Variants in WASHC2A observed in about 807,000 individuals in gnomAD.
The protein encoded by WASHC2A is WASH complex subunit 2A.
WASHC2A carries 82 observed loss-of-function variants against 140.3 expected under a neutral mutation model. That is an observed-to-expected ratio of 0.58 (90% CI 0.49 to 0.70). The LOEUF (loss-of-function observed/expected upper bound fraction) is 0.70. WASHC2A is among the 30% of genes least tolerant of loss of function. The pLI is 0.00. For missense variants in WASHC2A, 985 were observed against 1,521.8 expected, an observed-to-expected ratio of 0.65 and a Z score of 5.87; for synonymous variants, 340 against 560.8, an observed-to-expected ratio of 0.61 and a Z score of 5.56.
At chr10:50,072,262 T>A (rs1199632592) in intron 3 of WASHC2A, among the ~76,000 whole-genome samples, 2 of 150,298 alleles carry the variant, frequency 1.3e-5, no homozygotes, top group African/African-American at 2.4e-5. Context: ...TAGTGTTAAG[T>A]CTTGATGCCC....
rs1842486429 is a variant in WASHC2A, at chr10:50,113,877, TTTTG to T, written c.2040-8_2040-5del. 2.7e-6 allele frequency: 1 copy of T among 374,062 alleles called. No homozygotes were observed. The highest frequency in any genetic ancestry group is 5.5e-5 in the East Asian group (1 of 18,274). 23.2% of individuals were successfully genotyped at this position (374,062 alleles called of 1,614,324 possible). On this transcript the variant is annotated splice_polypyrimidine_tract_variant and intron_variant, in intron 20 of 30. Transcript: ENST00000282633. ...CATCACACTTTTCCTTAATTTGACC[TTTTG>T]TTTGTTTGTGTAGCCAAAAGAAGAC... is the stretch of plus-strand genomic sequence containing the variant.
At chr10:50,076,225 G>A (rs1269159941) in intron 3 of WASHC2A, among the ~76,000 whole-genome samples, 1 of 152,246 alleles carries the variant, frequency 6.6e-6, no homozygotes, top group Non-Finnish European at 1.5e-5. Flanking sequence ...ACAGGCGTGA[G>A]CCTCCTAAAG....
intron 16 of WASHC2A, among the ~76,000 whole-genome samples, chr10:50,098,231 A>G (rs1298690745): frequency 6.6e-6 from 1 of 152,126 alleles, no homozygotes; most frequent in Non-Finnish European, 1.5e-5. Flanking sequence ...AGTCTGTATT[A>G]GAATTGCTCC....
At chr10:50,125,085 C>G (rs1273182924) in intron 23 of WASHC2A, 28 bp from the exon 24 acceptor site, 103 of 1,611,460 alleles carry the variant, frequency 6.4e-5, no homozygotes, top group Non-Finnish European at 8.5e-5. Context: ...CAGCTCTAAT[C>G]ACACATGACC....
chr10:50,126,675 G>C (rs1248424533), intron 26 of WASHC2A, among the ~76,000 whole-genome samples: 1 of 151,898 alleles, frequency 6.6e-6, no homozygotes, highest in African/African-American at 2.4e-5. Flanking sequence ...TCCACGTGCA[G>C]GTGTCCCAGG....
intron 11 of WASHC2A, 119 bp downstream of exon 11, chr10:50,092,352 C>G (rs1840011578): frequency 1.4e-6 from 2 of 1,480,770 alleles, no homozygotes; most frequent in Admixed American, 2.1e-5. Flanking sequence ...GGGTCTGTCT[C>G]CATTTACTTT....
intron 3 of WASHC2A, among the ~76,000 whole-genome samples, chr10:50,075,164 G>A (rs1488315503): frequency 2.0e-5 from 3 of 151,530 alleles, no homozygotes; most frequent in African/African-American, 4.9e-5. Flanking sequence ...TTCTTAAACC[G>A]TATCATAATT....
intron 18 of WASHC2A, among the ~76,000 whole-genome samples, chr10:50,105,128 C>T (rs1203909244): frequency 4.2e-4 from 64 of 152,126 alleles, no homozygotes; most frequent in Admixed American, 3.5e-3. Flanking sequence ...ACCCAATGAC[C>T]TACAAGAATG....
chr10:50,128,964 C>T (rs1233632573), intron 28 of WASHC2A, among the ~76,000 whole-genome samples: 8 of 151,708 alleles, frequency 5.3e-5, no homozygotes, highest in African/African-American at 1.9e-4. Flanking sequence ...TGTTTCTCCC[C>T]GCTCCTGGAG....
chr10:50,106,416 A>T lies in WASHC2A; in HGVS notation c.1820A>T (p.Glu607Val), dbSNP rs1326518916. 6.2e-7 allele frequency: 1 copy of T among 1,611,970 alleles called. No homozygotes were observed. Among genetic ancestry groups the T allele is most frequent in the East Asian group, 2.2e-5 (1 of 44,878 alleles). ...AQREEKAKAS[E>V]LSKKKASALL... ...AGAGAAGAGAAAGCAAAAGCCTCCG[A>T]GCTCTCCAAAAAGAAAGCATCTGCC... The change falls in exon 19 of 31, where the codon GAG becomes GTG. Residue 607 changes from glutamate to valine, a missense_variant. Glu to Val is a moderately radical substitution (Grantham distance 121, BLOSUM62 -2). Transcript: ENST00000282633.
Position 50,095,741 on chromosome 10 carries a change from C to G in WASHC2A, c.1383C>G (p.Asp461Glu). 1 of 1,611,176 alleles carries G rather than the reference C, an allele frequency of 6.2e-7. No individual in the cohort carries two copies. Among genetic ancestry groups the G allele is most frequent in the South Asian group, 1.1e-5 (1 of 90,878 alleles). Residue 461 changes from aspartate (D) to glutamate (E), a missense_variant, in exon 15 of 31, where the codon GAC becomes GAG. Asp to Glu is a conservative substitution (Grantham distance 45, BLOSUM62 2). Transcript: ENST00000282633. ...FDDDDGDDDD[D>E]FFSAPHSKPS... ...ATGATGATGGTGATGATGATGACGA[C>G]TTTTTCTCGGCACCCCACAGCAAAC...
At chr10:50,130,652 G>T (rs939812107) in intron 29 of WASHC2A, among the ~76,000 whole-genome samples, 8 of 152,302 alleles carry the variant, frequency 5.3e-5, no homozygotes, top group African/African-American at 1.9e-4. Flanking sequence ...GGTGGGTAGG[G>T]CTGGGAGGTG....
Position 50,094,539 on chromosome 10 carries a change from G to A in WASHC2A, c.1181-609G>A, listed in dbSNP as rs572635554. ...CCTACAAATGTTACTCCATAGGTTT[G>A]TGGTAGTTCTTGGGACTTGGGAATT... On this transcript the variant is annotated intron_variant, in intron 13 of 30. Transcript: ENST00000282633. Among the ~76,000 whole-genome samples the A allele has an allele frequency of 6.6e-5, 10 of 152,314 alleles. No homozygotes were observed. In the South Asian group the frequency reaches 1.9e-3, roughly 28 times the overall value.
chr10:50,089,717 A>G (rs1839703910), intron 8 of WASHC2A, among the ~76,000 whole-genome samples: 1 of 152,180 alleles, frequency 6.6e-6, no homozygotes, highest in South Asian at 2.1e-4. Flanking sequence ...ATGGCTCTCT[A>G]GTCGTTACAG....
chr10:50,131,531 T>C (rs1843973623), intron 30 of WASHC2A, among the ~76,000 whole-genome samples: 1 of 152,200 alleles, frequency 6.6e-6, no homozygotes, highest in Non-Finnish European at 1.5e-5. Context: ...GGGTGTAGGC[T>C]CTACCTCAGG....
At chr10:50,128,015 G>A in intron 28 of WASHC2A, among the ~76,000 whole-genome samples, 2 of 151,566 alleles carry the variant, frequency 1.3e-5, no homozygotes, top group Non-Finnish European at 2.9e-5. Flanking sequence ...ATTCTGCTCA[G>A]TAGCCACAGT....
chr10:50,109,136 G>A (rs2132847246), intron 19 of WASHC2A, among the ~76,000 whole-genome samples: 1 of 152,264 alleles, frequency 6.6e-6, no homozygotes, highest in South Asian at 2.1e-4. Flanking sequence ...CGCGGGGCCT[G>A]AAATTCTGCA....
rs782143087 is a variant in WASHC2A, at chr10:50,067,960, C to T, written c.-46C>T. ...TAGGCTTCCGGGGCTCTGCAGTCCT[C>T]GGCGTGTGCTGGCAGCTTCGGAGCC... On this transcript the variant is annotated 5_prime_UTR_variant, in exon 1 of 31. Coordinates refer to ENST00000282633, the MANE Select transcript of WASHC2A (RefSeq NM_001005751.3). 2.5e-6 allele frequency: 4 copies of T among 1,594,000 alleles called. No individual in the cohort carries two copies. The highest frequency in any genetic ancestry group is 2.3e-5 in the East Asian group (1 of 44,048).
intron 16 of WASHC2A, among the ~76,000 whole-genome samples, chr10:50,099,122 A>T (rs1840797172): frequency 1.3e-5 from 2 of 151,938 alleles, no homozygotes; most frequent in African/African-American, 4.8e-5. Context: ...ACAAACCACT[A>T]TTTTTTTAAT....
Sources: allele counts gnomAD v4.1 joint callset (sites outside exome capture counted in the v4.1 genomes callset), GRCh38; gene constraint gnomAD v4.1.1; transcripts MANE v1.5; gene names NCBI Gene and HGNC (gene_info 2026-07-23, HGNC 2026-07-21).